MEI4: variants seen among roughly 807,000 people sequenced by gnomAD.
The protein encoded by MEI4 is meiotic double-stranded break formation protein 4, also known as meiosis-specific protein MEI4.
Under a neutral mutation model 31.4 loss-of-function variants are expected in MEI4, and 27 were observed. The observed-to-expected ratio is 0.86, with a 90% CI of 0.63 to 1.19. The LOEUF (loss-of-function observed/expected upper bound fraction) is 1.19, where lower values mean the gene tolerates loss of function less well. Among genes scored for constraint, MEI4 ranks in the 50% most tolerant of loss-of-function variants. The probability of loss-of-function intolerance (pLI) is 0.00; values close to 1 mark genes in which losing one functional copy is unlikely to be tolerated. For missense variants in MEI4, 329 were observed against 398.9 expected, an observed-to-expected ratio of 0.82 and a Z score of 1.49; for synonymous variants, 122 against 145.4, an observed-to-expected ratio of 0.84 and a Z score of 1.16.
At chr6:77,864,476 G>C (rs902190408) in intron 4 of MEI4, among the ~76,000 whole-genome samples, 1 of 152,202 alleles carries the variant, frequency 6.6e-6, no homozygotes, top group South Asian at 2.1e-4. Context: ...GATCAAAAGA[G>C]ACAAAGAAGG....
chr6:77,701,566 CATAG>C lies in MEI4; in HGVS notation c.232+10668_232+10671del, dbSNP rs563356364. On this transcript the variant is annotated intron_variant, in intron 2 of 4. Transcript: ENST00000684080. ...TTAAGTAGTTAATATATTCATAAAT[CATAG>C]ATAGTATTACACATCTATGTGTAAT... Among the ~76,000 whole-genome samples the C allele has an allele frequency of 2.0e-4, 31 of 151,674 alleles. No individual in the cohort carries two copies. In the East Asian group the frequency reaches 5.2e-3, roughly 26 times the overall value.
chr6:77,848,450 C>T (rs1295880151), intron 4 of MEI4, among the ~76,000 whole-genome samples: 1 of 152,000 alleles, frequency 6.6e-6, no homozygotes, highest in Non-Finnish European at 1.5e-5. Context: ...TGATCAGTGC[C>T]CACAAGAGTG....
At chr6:77,674,914 TATTA>T (rs1018352464) in intron 1 of MEI4, among the ~76,000 whole-genome samples, 7 of 152,252 alleles carry the variant, frequency 4.6e-5, no homozygotes, top group African/African-American at 1.7e-4. Context: ...GTATTATTTA[TATTA>T]ATTACCTAAA....
chr6:77,697,752 G>T (rs568055911), intron 2 of MEI4, among the ~76,000 whole-genome samples: 2 of 145,618 alleles, frequency 1.4e-5, no homozygotes, highest in South Asian at 2.1e-4. Context: ...TGTTGATTTG[G>T]GGTGGAGAGT....
intron 4 of MEI4, among the ~76,000 whole-genome samples, chr6:77,918,618 T>C (rs1225505017): frequency 6.6e-6 from 1 of 151,876 alleles, no homozygotes; most frequent in African/African-American, 2.4e-5. Context: ...ACATTGATTT[T>C]GTATCCTGAG....
chr6:77,841,333 A>ATATATATATATTTTTTTTTTTTTT, intron 4 of MEI4, among the ~76,000 whole-genome samples: 3 of 27,736 alleles, frequency 1.1e-4, no homozygotes, highest in African/African-American at 3.3e-4. Context: ...ATATATATAT[A>ATATATATATATTTTTTTTTTTTTT]TTTTTTTTTT....
intron 3 of MEI4, among the ~76,000 whole-genome samples, chr6:77,786,337 A>C (rs183580241): frequency 7.4e-4 from 113 of 152,222 alleles, no homozygotes; most frequent in African/African-American, 2.4e-3. Flanking sequence ...AAACATGTTA[A>C]CCTTGAATTT....
chr6:77,743,695 G>A (rs541190250), intron 2 of MEI4, among the ~76,000 whole-genome samples: 1 of 152,264 alleles, frequency 6.6e-6, no homozygotes, highest in African/African-American at 2.4e-5. Flanking sequence ...TGACCCCCGA[G>A]CAGCCTAACT....
In MEI4 at chr6:77,926,310, C is replaced by A. The variant is rs1581989970; in HGVS notation, c.*2964C>A. The A allele has an allele frequency of 6.6e-6, 1 of 151,876 alleles. No homozygotes were observed. The highest frequency in any genetic ancestry group is 1.5e-5 in the Non-Finnish European group (1 of 67,928). 9.4% of individuals were successfully genotyped at this position (151,876 alleles called of 1,614,324 possible). ...AAACCAGAGGAACAGCATCTTTGAC[C>A]TTTTCAGGGTTGTAGCATCTTGCTA... On this transcript the variant is annotated 3_prime_UTR_variant, in exon 5 of 5. Transcript: ENST00000684080.
At chr6:77,743,325 G>T (rs915523153) in intron 2 of MEI4, among the ~76,000 whole-genome samples, 1 of 152,098 alleles carries the variant, frequency 6.6e-6, no homozygotes, top group Non-Finnish European at 1.5e-5. Flanking sequence ...TCTCCTTGAA[G>T]AGGTCCTTCA....
At chr6:77,795,442 T>C (rs760462273) in intron 3 of MEI4, among the ~76,000 whole-genome samples, 6 of 151,960 alleles carry the variant, frequency 3.9e-5, no homozygotes, top group Non-Finnish European at 8.8e-5. Context: ...TGACCTAGCT[T>C]AAATCACACA....
chr6:77,899,187 A>G (rs568734462), intron 4 of MEI4, among the ~76,000 whole-genome samples: 1 of 152,076 alleles, frequency 6.6e-6, no homozygotes, highest in South Asian at 2.1e-4. Context: ...AGCTCTCCCA[A>G]ATGCCTAACT....
chr6:77,796,324 C>A (rs1466727129), intron 3 of MEI4, among the ~76,000 whole-genome samples: 6 of 152,086 alleles, frequency 3.9e-5, no homozygotes, highest in Non-Finnish European at 7.4e-5. Flanking sequence ...GGTGCCCACT[C>A]AGAACACTTC....
At chr6:77,912,546 GT>G (rs140606502) in intron 4 of MEI4, among the ~76,000 whole-genome samples, 1 of 151,556 alleles carries the variant, frequency 6.6e-6, no homozygotes, top group Admixed American at 6.6e-5. Context: ...GTGGTTACAT[GT>G]TTTTTTTGGG....
At chr6:77,768,847 C>G (rs1768239992) in intron 3 of MEI4, among the ~76,000 whole-genome samples, 1 of 152,078 alleles carries the variant, frequency 6.6e-6, no homozygotes, top group Non-Finnish European at 1.5e-5. Context: ...CATATACAGC[C>G]TTGTCATCTT....
intron 1 of MEI4, among the ~76,000 whole-genome samples, chr6:77,680,801 T>TC (rs1372969348): frequency 6.6e-6 from 1 of 152,178 alleles, no homozygotes; most frequent in Non-Finnish European, 1.5e-5. Context: ...TGACACACTG[T>TC]CAGTTGCTGT....
intron 1 of MEI4, among the ~76,000 whole-genome samples, chr6:77,684,028 C>T (rs556830219): frequency 6.6e-6 from 1 of 152,322 alleles, no homozygotes; most frequent in African/African-American, 2.4e-5. Flanking sequence ...CTTTTCTCCA[C>T]ATCCTCATCT....
rs983934262 is a variant in MEI4, at chr6:77,911,794, G to C, written c.901-11295G>C. 3.3e-5 allele frequency among the ~76,000 whole-genome samples: 5 copies of C among 150,532 alleles called. No individual in the cohort carries two copies. The East Asian group carries it at 7.8e-4, about 23-fold the overall frequency. On this transcript the variant is annotated intron_variant, in intron 4 of 4. Coordinates refer to ENST00000684080, the MANE Select transcript of MEI4 (RefSeq NM_001322247.2). The stretch of plus-strand genomic sequence containing the variant: ...TCCACTGTTGATGGGCATCCAGGTT[G>C]ACTCCATGTATTTGCTATTGTGAAT...
At chr6:77,741,144 T>C (rs1440662399) in intron 2 of MEI4, among the ~76,000 whole-genome samples, 1 of 152,108 alleles carries the variant, frequency 6.6e-6, no homozygotes. Flanking sequence ...ACCTGTGCAG[T>C]TATGTTAATT....
Sources: gnomAD v4.1 joint callset for allele counts (sites outside exome capture counted in the v4.1 genomes callset) on GRCh38, gnomAD v4.1.1 for gene constraint, MANE v1.5 for transcripts, NCBI Gene and HGNC (gene_info 2026-07-23, HGNC 2026-07-21) for gene names.